GALNT13: variants seen among roughly 807,000 people sequenced by gnomAD.
GALNT13 encodes the protein UDP-GalNAc:polypeptide N-acetylgalactosaminyltransferase 13.
In GALNT13, 28 loss-of-function variants were observed where a neutral mutation model predicts 64.2. That is an observed-to-expected ratio of 0.44 (90% confidence interval 0.32 to 0.60). The LOEUF (loss-of-function observed/expected upper bound fraction) is 0.60, where lower values mean the gene tolerates loss of function less well. Among genes scored for constraint, GALNT13 ranks in the 20% least tolerant of loss-of-function variants. The probability of loss-of-function intolerance (pLI) is 0.05; values close to 1 mark genes in which losing one functional copy is unlikely to be tolerated. For synonymous variants in GALNT13, 214 were observed against 224.6 expected (o/e 0.95, Z 0.42); for missense variants, 577 against 669.8 (o/e 0.86, Z 1.53).
the GALNT13 span, among the ~76,000 whole-genome samples, chr2:153,857,009 A>G: frequency 3.9e-5 from 6 of 152,160 alleles, no homozygotes; most frequent in Admixed American, 2.6e-4. Flanking sequence ...AGGAGTGTGA[A>G]TAATTCCTTT....
At chr2:153,983,957 A>G (rs1694631156) in intron 3 of GALNT13, among the ~76,000 whole-genome samples, 1 of 151,958 alleles carries the variant, frequency 6.6e-6, no homozygotes, top group Non-Finnish European at 1.5e-5. Flanking sequence ...CAGAACTGCA[A>G]TAAATTTTGC....
the GALNT13 span, among the ~76,000 whole-genome samples, chr2:153,603,715 C>T: frequency 6.6e-6 from 1 of 151,872 alleles, no homozygotes; most frequent in African/African-American, 2.4e-5. Context: ...CAAAATTCTC[C>T]TTTAGGGTAT....
the GALNT13 span, among the ~76,000 whole-genome samples, chr2:153,629,996 C>A: frequency 6.9e-6 from 1 of 144,442 alleles, no homozygotes; most frequent in South Asian, 2.3e-4. Context: ...AGTCAGGAAA[C>A]AACAGGTGCT....
the GALNT13 span, among the ~76,000 whole-genome samples, chr2:153,680,383 A>G: frequency 1.3e-5 from 2 of 151,846 alleles, no homozygotes; most frequent in Non-Finnish European, 2.9e-5. Context: ...AGAAAAAATG[A>G]TTACAGTTTA....
chr2:153,077,613 G>A, the GALNT13 span, among the ~76,000 whole-genome samples: 4 of 152,124 alleles, frequency 2.6e-5, no homozygotes, highest in South Asian at 2.1e-4. Context: ...GCTGTCTAAT[G>A]TAAGCATGAC....
At chr2:153,205,101 T>C in the GALNT13 span, among the ~76,000 whole-genome samples, 27,517 of 152,008 alleles carry the variant, frequency 0.18, 2,595 homozygotes, top group African/African-American at 0.23. Flanking sequence ...ATGGTGAAGA[T>C]AGGCTTAAGC....
At chr2:153,814,302 C>T in the GALNT13 span, among the ~76,000 whole-genome samples, 979 of 152,106 alleles carry the variant, frequency 6.4e-3, 7 homozygotes, top group African/African-American at 0.022. Context: ...TAACTGGGCG[C>T]GGTGGCGGGC....
the GALNT13 span, among the ~76,000 whole-genome samples, chr2:153,119,085 A>G: frequency 6.6e-6 from 1 of 152,064 alleles, no homozygotes; most frequent in Non-Finnish European, 1.5e-5. Context: ...TGTGAAGAAG[A>G]ACATGTTTGC....
intron 4 of GALNT13, among the ~76,000 whole-genome samples, chr2:154,206,154 C>A (rs544082406): frequency 5.3e-5 from 8 of 151,604 alleles, no homozygotes; most frequent in Non-Finnish European, 8.8e-5. Flanking sequence ...CCCGCCACCA[C>A]GCCCGGCTAA....
chr2:154,369,554 A>G (rs936204823), intron 9 of GALNT13, among the ~76,000 whole-genome samples: 4 of 152,082 alleles, frequency 2.6e-5, no homozygotes, highest in Non-Finnish European at 4.4e-5. Flanking sequence ...CTTGGGTTCT[A>G]TGGTTTGAAT....
the GALNT13 span, among the ~76,000 whole-genome samples, chr2:153,542,496 G>T: frequency 1.3e-5 from 2 of 152,124 alleles, no homozygotes; most frequent in African/African-American, 4.8e-5. Context: ...GCCAAGTTGG[G>T]GATCAGTAGA....
chr2:154,020,991 G>T (rs898705588), intron 3 of GALNT13, among the ~76,000 whole-genome samples: 1 of 152,128 alleles, frequency 6.6e-6, no homozygotes, highest in African/African-American at 2.4e-5. Context: ...TGTGAGGTTT[G>T]TCAAAGATCC....
the GALNT13 span, among the ~76,000 whole-genome samples, chr2:153,801,354 C>G: frequency 6.7e-6 from 1 of 149,236 alleles, no homozygotes; most frequent in Non-Finnish European, 1.5e-5. Flanking sequence ...TATGCTTAAT[C>G]ATTTCTATAT....
At chr2:154,110,821 CAT>C (rs1347302822) in intron 3 of GALNT13, among the ~76,000 whole-genome samples, 1 of 152,094 alleles carries the variant, frequency 6.6e-6, no homozygotes, top group Non-Finnish European at 1.5e-5. Flanking sequence ...AACGTGAACT[CAT>C]ACACATCTCC....
the GALNT13 span, among the ~76,000 whole-genome samples, chr2:153,197,220 T>C: frequency 6.6e-6 from 1 of 152,210 alleles, no homozygotes; most frequent in Non-Finnish European, 1.5e-5. Flanking sequence ...TCTAAACCTG[T>C]TGTTAGGCTC....
intron 9 of GALNT13, among the ~76,000 whole-genome samples, chr2:154,323,353 T>C (rs999659786): frequency 2.0e-5 from 3 of 151,968 alleles, no homozygotes; most frequent in Admixed American, 1.3e-4. Flanking sequence ...CCACAGTTTT[T>C]CCCCCTAAAC....
chr2:153,628,424 C>T, the GALNT13 span, among the ~76,000 whole-genome samples: 8 of 151,774 alleles, frequency 5.3e-5, no homozygotes, highest in African/African-American at 1.7e-4. Context: ...GTCTTGTGCC[C>T]GTTTTCAAAG....
the GALNT13 span, among the ~76,000 whole-genome samples, chr2:153,186,743 T>C: frequency 2.6e-5 from 4 of 152,262 alleles, no homozygotes; most frequent in South Asian, 6.2e-4. Flanking sequence ...ATTTTTGTAT[T>C]TGTGGTAGAG....
chr2:154,126,954 T>C (rs1682318637), intron 3 of GALNT13, among the ~76,000 whole-genome samples: 2 of 152,286 alleles, frequency 1.3e-5, no homozygotes, highest in Admixed American at 6.5e-5. Flanking sequence ...GTTTTTATTA[T>C]GCTGCAATGG....
Sources: gnomAD v4.1 joint callset for allele counts (sites outside exome capture counted in the v4.1 genomes callset) on GRCh38, gnomAD v4.1.1 for gene constraint, MANE v1.5 for transcripts, NCBI Gene and HGNC (gene_info 2026-07-23, HGNC 2026-07-21) for gene names.